Variants in SGCD observed in about 807,000 individuals in gnomAD.
SGCD encodes delta-sarcoglycan.
Under a neutral mutation model 36.6 loss-of-function variants are expected in SGCD, and 18 were observed. The observed-to-expected ratio is 0.49, with a 90% confidence interval of 0.34 to 0.73. The LOEUF (loss-of-function observed/expected upper bound fraction) is 0.73, where lower values mean the gene tolerates loss of function less well. Ranked by LOEUF, SGCD falls within the 30% of genes least tolerant of loss-of-function variation. The pLI, the probability that SGCD is intolerant of heterozygous loss-of-function variation, is 0.01. For missense variants in SGCD, 387 were observed against 346.7 expected (o/e 1.12, Z -0.92); for synonymous variants, 133 against 130.6 (o/e 1.02, Z -0.12).
intron 3 of SGCD, among the ~76,000 whole-genome samples, chr5:156,143,038 G>C (rs1762614421): frequency 6.6e-6 from 1 of 152,216 alleles, no homozygotes; most frequent in Non-Finnish European, 1.5e-5. Flanking sequence ...AGGCCCAGAG[G>C]CTTAGGAGGG....
intron 1 of SGCD, among the ~76,000 whole-genome samples, chr5:155,882,651 AT>A (rs906618545): frequency 2.4e-4 from 37 of 151,636 alleles, no homozygotes; most frequent in Middle Eastern, 3.4e-3. Context: ...ATTTCAAAGG[AT>A]TTTTTTTTCT....
intron 3 of SGCD, among the ~76,000 whole-genome samples, chr5:156,351,387 A>G (rs921452081): frequency 6.6e-6 from 1 of 152,148 alleles, no homozygotes; most frequent in African/African-American, 2.4e-5. Flanking sequence ...TCAGGGCTCA[A>G]ACTCTGGAGA....
At chr5:155,748,892 G>T in the SGCD span, among the ~76,000 whole-genome samples, 1 of 152,298 alleles carries the variant, frequency 6.6e-6, no homozygotes, top group Non-Finnish European at 1.5e-5. Flanking sequence ...TGATCAAACT[G>T]GTCCTCACAA....
rs573981196 is a variant in SGCD, at chr5:156,179,843, C to G, written c.-44+55824C>G. Among the ~76,000 whole-genome samples, 3 of 152,156 alleles carry G rather than the reference C, an allele frequency of 2.0e-5. No individual in the cohort carries two copies. In the East Asian group the frequency reaches 5.8e-4, roughly 29 times the overall value. ...TTCATCATGTTGCCCAGGTTGGTCT[C>G]GAATTCCTCACCTCAAGTGATCTAC... On this transcript the variant is annotated intron_variant, in intron 3 of 9. Coordinates refer to the SGCD transcript ENST00000517913.
At chr5:156,142,035 A>G (rs1178637649) in intron 3 of SGCD, among the ~76,000 whole-genome samples, 2 of 152,134 alleles carry the variant, frequency 1.3e-5, no homozygotes, top group Admixed American at 1.3e-4. Flanking sequence ...GCCTGGTGGG[A>G]GATGATTGAA....
At chr5:156,406,606 C>G (rs1772421284) in intron 3 of SGCD, among the ~76,000 whole-genome samples, 1 of 151,792 alleles carries the variant, frequency 6.6e-6, no homozygotes, top group East Asian at 1.9e-4. Context: ...TGGACTTTTT[C>G]AAAAGCACTT....
intron 7 of SGCD, among the ~76,000 whole-genome samples, chr5:156,697,542 G>A (rs1331360807): frequency 6.6e-6 from 1 of 152,140 alleles, no homozygotes; most frequent in Non-Finnish European, 1.5e-5. Flanking sequence ...AGCTATTTCT[G>A]TGAAGTTCTC....
At chr5:156,168,964 G>A (rs1763277070) in intron 3 of SGCD, among the ~76,000 whole-genome samples, 1 of 152,226 alleles carries the variant, frequency 6.6e-6, no homozygotes. Context: ...TGCTTATGGA[G>A]GGAGTGAGGC....
intron 3 of SGCD, among the ~76,000 whole-genome samples, chr5:156,143,376 G>A (rs1257769632): frequency 6.6e-6 from 1 of 152,220 alleles, no homozygotes; most frequent in Non-Finnish European, 1.5e-5. Flanking sequence ...GAGGAGAAAT[G>A]TGAGACTGGA....
intron 3 of SGCD, among the ~76,000 whole-genome samples, chr5:156,410,426 A>C (rs1418477004): frequency 6.6e-6 from 1 of 152,218 alleles, no homozygotes; most frequent in African/African-American, 2.4e-5. Context: ...TACTATGCTC[A>C]CTACCTGGGT....
chr5:155,960,555 T>G (rs1228333322), intron 1 of SGCD, among the ~76,000 whole-genome samples: 2 of 152,018 alleles, frequency 1.3e-5, no homozygotes. Flanking sequence ...AAGCAATTGT[T>G]TTCAAGATAG....
At chr5:156,264,274 A>T (rs914741063) in intron 3 of SGCD, among the ~76,000 whole-genome samples, 1 of 152,130 alleles carries the variant, frequency 6.6e-6, no homozygotes, top group Non-Finnish European at 1.5e-5. Context: ...CCCCAGTTAG[A>T]TATTATCTTT....
chr5:155,977,423 A>T (rs1314551837), intron 1 of SGCD, among the ~76,000 whole-genome samples: 2 of 152,194 alleles, frequency 1.3e-5, no homozygotes, highest in Admixed American at 6.5e-5. Flanking sequence ...ACTCCATAAT[A>T]CTGGCCCTAG....
rs993854990 is a variant in SGCD, at chr5:156,346,821, G to A, written c.192+2144G>A. On this transcript the variant is annotated intron_variant, in intron 3 of 8. Transcript: ENST00000337851. ...TTTATTTTTTTATTTTTTGTGAGAC[G>A]GAGTCTTGCTGTGTCACCCAGGCTA... Among the ~76,000 whole-genome samples the A allele has an allele frequency of 2.0e-5, 3 of 149,878 alleles. No individual in the cohort carries two copies. In the South Asian group the frequency reaches 6.3e-4, roughly 32 times the overall value.
intron 3 of SGCD, among the ~76,000 whole-genome samples, chr5:156,435,054 G>A (rs1753187011): frequency 6.6e-6 from 1 of 152,168 alleles, no homozygotes; most frequent in Non-Finnish European, 1.5e-5. Flanking sequence ...CATCTGCAGA[G>A]CAATGTAGAA....
intron 3 of SGCD, among the ~76,000 whole-genome samples, chr5:156,127,069 G>A (rs1295615494): frequency 6.6e-6 from 1 of 152,132 alleles, no homozygotes; most frequent in African/African-American, 2.4e-5. Context: ...AAAACTAGGA[G>A]AATCTAAGAA....
chr5:156,309,833 T>C (rs1159288421), intron 3 of SGCD, among the ~76,000 whole-genome samples: 1 of 152,160 alleles, frequency 6.6e-6, no homozygotes, highest in East Asian at 1.9e-4. Flanking sequence ...CTTTGTTTAG[T>C]AGATCTGCCA....
chr5:156,725,417 A>G (rs1475842475), intron 7 of SGCD, among the ~76,000 whole-genome samples: 1 of 152,216 alleles, frequency 6.6e-6, no homozygotes, highest in Non-Finnish European at 1.5e-5. Flanking sequence ...GCCCTGGATG[A>G]ACTGGTTAGA....
At chr5:155,973,419 T>C (rs1004440757) in intron 1 of SGCD, among the ~76,000 whole-genome samples, 2 of 152,226 alleles carry the variant, frequency 1.3e-5, no homozygotes, top group African/African-American at 4.8e-5. Context: ...GCACAAGTGT[T>C]AACTTCTTAG....
Sources: allele counts gnomAD v4.1 joint callset (sites outside exome capture counted in the v4.1 genomes callset), GRCh38; gene constraint gnomAD v4.1.1; transcripts MANE v1.5; gene names NCBI Gene and HGNC (gene_info 2026-07-23, HGNC 2026-07-21).